Variants in SHISA9 observed in about 807,000 individuals in gnomAD.
SHISA9 encodes protein shisa-9.
Under a neutral mutation model 38.0 loss-of-function variants are expected in SHISA9, and 13 were observed. The observed-to-expected ratio is 0.34, with a 90% CI of 0.22 to 0.54. SHISA9 has a LOEUF of 0.54. SHISA9 is among the 20% of genes least tolerant of loss of function. The pLI, the probability that SHISA9 is intolerant of heterozygous loss-of-function variation, is 0.91. For synonymous variants in SHISA9, 275 were observed against 242.0 expected, an observed-to-expected ratio of 1.14 and a Z score of -1.27; for missense variants, 538 against 575.8, an observed-to-expected ratio of 0.93 and a Z score of 0.67.
the SHISA9 span, among the ~76,000 whole-genome samples, chr16:13,349,926 G>T: frequency 3.0e-3 from 458 of 152,290 alleles, 16 homozygotes; most frequent in East Asian, 0.072. Context: ...ATTTTTACCA[G>T]AGTTCTCTGA....
intron 2 of SHISA9, among the ~76,000 whole-genome samples, chr16:13,179,158 A>C (rs2142029117): frequency 6.6e-6 from 1 of 152,276 alleles, no homozygotes; most frequent in South Asian, 2.1e-4. Context: ...TCTACTAAAA[A>C]TAAAAATAAA....
chr16:13,226,791 C>T lies in SHISA9; in HGVS notation c.896-8239C>T, dbSNP rs908783509. On this transcript the variant is annotated intron_variant, in intron 4 of 4. Coordinates refer to ENST00000558583, the MANE Select transcript of SHISA9 (RefSeq NM_001145204.3). ...TTAGCAGTTGGTTAGTTGTGTTGAA[C>T]AGGGGTAACTGGTCTATGGGTTTCT... Among the ~76,000 whole-genome samples, 3 of 152,126 alleles carry T rather than the reference C, an allele frequency of 2.0e-5. No individual in the cohort carries two copies. The South Asian group carries it at 6.2e-4, about 32-fold the overall frequency.
At chr16:13,400,917 G>A in the SHISA9 span, among the ~76,000 whole-genome samples, 1 of 152,162 alleles carries the variant, frequency 6.6e-6, no homozygotes, top group Non-Finnish European at 1.5e-5. Context: ...AAGCATGGGT[G>A]AACCCTGGCA....
Position 13,055,497 on chromosome 16 carries a change from C to G in SHISA9, c.691+138682C>G, listed in dbSNP as rs552256223. On this transcript the variant is annotated intron_variant, in intron 2 of 4. Transcript: ENST00000558583. ...TCTCTATTTCTGTACCCCAAAGACT[C>G]TGTTTCCTTACAGTCTTCTTGGTGA... Among the ~76,000 whole-genome samples the G allele has an allele frequency of 2.1e-3, 313 of 152,328 alleles. 3 individuals carry two copies. Among genetic ancestry groups the G allele is most frequent in the African/African-American group, 7.1e-3 (297 of 41,576 alleles).
chr16:13,107,057 G>T (rs2073932493), intron 2 of SHISA9, among the ~76,000 whole-genome samples: 1 of 151,304 alleles, frequency 6.6e-6, no homozygotes, highest in Non-Finnish European at 1.5e-5. Context: ...ATTTTTATTC[G>T]ACAAAGGGGG....
the SHISA9 span, among the ~76,000 whole-genome samples, chr16:13,267,663 A>G: frequency 2.6e-5 from 4 of 152,334 alleles, no homozygotes; most frequent in East Asian, 5.8e-4. Flanking sequence ...AAGGTTAGGT[A>G]AATGATACAG....
chr16:12,995,418 A>T (rs949002453), intron 2 of SHISA9, among the ~76,000 whole-genome samples: 11 of 152,148 alleles, frequency 7.2e-5, no homozygotes, highest in Admixed American at 6.5e-4. Flanking sequence ...ACTCATGGAG[A>T]GGCTGACTCA....
At chr16:13,218,692 C>G (rs768167859) in intron 4 of SHISA9, among the ~76,000 whole-genome samples, 1 of 152,108 alleles carries the variant, frequency 6.6e-6, no homozygotes, top group Admixed American at 6.5e-5. Flanking sequence ...AGACAATGTA[C>G]GTAAAATCGC....
At chr16:13,418,228 T>C in the SHISA9 span, among the ~76,000 whole-genome samples, 5 of 151,894 alleles carry the variant, frequency 3.3e-5, no homozygotes, top group Non-Finnish European at 7.4e-5. Flanking sequence ...AAAGAGGTGC[T>C]CCAATTGTTT....
the SHISA9 span, among the ~76,000 whole-genome samples, chr16:13,289,273 C>G: frequency 1.3e-5 from 2 of 149,138 alleles, no homozygotes; most frequent in African/African-American, 2.5e-5. Context: ...GGGCAGATGA[C>G]ATTGCCCTGC....
the SHISA9 span, among the ~76,000 whole-genome samples, chr16:13,541,860 T>G: frequency 2.6e-5 from 4 of 152,324 alleles, no homozygotes; most frequent in Admixed American, 1.3e-4. Context: ...ATATTCGACG[T>G]GAGGTCAGGA....
At chr16:13,061,973 A>C (rs1202690266) in intron 2 of SHISA9, among the ~76,000 whole-genome samples, 2 of 152,188 alleles carry the variant, frequency 1.3e-5, no homozygotes, top group East Asian at 1.9e-4. Context: ...AAAGGAGAGC[A>C]GGCCGGTGGG....
intron 2 of SHISA9, among the ~76,000 whole-genome samples, chr16:13,175,413 T>G (rs2050723518): frequency 6.6e-6 from 1 of 152,060 alleles, no homozygotes; most frequent in Non-Finnish European, 1.5e-5. Context: ...AAAGATTTGA[T>G]TTTTTCCCTA....
At chr16:12,916,011 G>GTTTT (rs34050190) in intron 1 of SHISA9, among the ~76,000 whole-genome samples, 136 of 90,422 alleles carry the variant, frequency 1.5e-3, no homozygotes, top group African/African-American at 2.4e-3. Context: ...GTGTGTGTGT[G>GTTTT]TTTTTTTTTT....
the SHISA9 span, among the ~76,000 whole-genome samples, chr16:13,480,603 G>T: frequency 1.3e-5 from 2 of 152,106 alleles, no homozygotes; most frequent in South Asian, 4.1e-4. Flanking sequence ...GGGCATGCTA[G>T]GGTCTTGCCA....
the SHISA9 span, among the ~76,000 whole-genome samples, chr16:13,514,815 A>T: frequency 6.6e-6 from 1 of 152,150 alleles, no homozygotes; most frequent in Non-Finnish European, 1.5e-5. Flanking sequence ...AATGAAGAAA[A>T]CCGCATCGAT....
intron 2 of SHISA9, among the ~76,000 whole-genome samples, chr16:13,166,968 C>G (rs1465285612): frequency 2.6e-5 from 4 of 152,004 alleles, no homozygotes; most frequent in African/African-American, 9.7e-5. Context: ...CACATGTACC[C>G]TGGAACTTCA....
intron 2 of SHISA9, among the ~76,000 whole-genome samples, chr16:13,020,747 A>G (rs1018611122): frequency 2.0e-5 from 3 of 152,168 alleles, no homozygotes; most frequent in Non-Finnish European, 4.4e-5. Context: ...GCATATTAGG[A>G]TCCAAACATA....
At chr16:13,206,362 A>G (rs1567248282) in intron 3 of SHISA9, among the ~76,000 whole-genome samples, 1 of 152,034 alleles carries the variant, frequency 6.6e-6, no homozygotes, top group Non-Finnish European at 1.5e-5. Flanking sequence ...CTCATTGGAG[A>G]TGGGATGAGA....
Sources: allele counts gnomAD v4.1 joint callset (sites outside exome capture counted in the v4.1 genomes callset), GRCh38; gene constraint gnomAD v4.1.1; transcripts MANE v1.5; gene names NCBI Gene and HGNC (gene_info 2026-07-23, HGNC 2026-07-21).